Variants in TGS1 observed in about 807,000 individuals in gnomAD.
TGS1 encodes trimethylguanosine synthase 1.
TGS1 carries 69 observed loss-of-function variants against 92.2 expected under a neutral mutation model. The ratio of observed to expected loss-of-function variants is 0.75; its 90% CI spans 0.62 to 0.91. The LOEUF (loss-of-function observed/expected upper bound fraction) is 0.91. Among genes scored for constraint, TGS1 ranks in the 40% least tolerant of loss-of-function variants. TGS1 has a pLI of 0.00. For missense variants in TGS1, 1,062 were observed against 1,001.2 expected (o/e 1.06, Z -0.82); for synonymous variants, 345 against 338.1 (o/e 1.02, Z -0.22).
In TGS1 at chr8:55,822,153, T is replaced by G. The variant is rs576142008; in HGVS notation, c.2440-2428T>G. Among the ~76,000 whole-genome samples, 7 of 151,508 alleles carry G rather than the reference T, an allele frequency of 4.6e-5. No homozygotes were observed. In the East Asian group the frequency reaches 1.4e-3, roughly 30 times the overall value. ...GGTGCGATCTCAGCTCACTGCAAGC[T>G]CCGCCTCCTGAATTCACGCCATTCT... is the stretch of plus-strand genomic sequence containing the variant. On this transcript the variant is annotated intron_variant, in intron 12 of 12. Transcript: ENST00000260129.
chr8:55,781,605 C>T (rs1464879900), intron 1 of TGS1, among the ~76,000 whole-genome samples: 4 of 152,190 alleles, frequency 2.6e-5, no homozygotes, highest in African/African-American at 9.7e-5. Flanking sequence ...GCTCCTGCTT[C>T]CCACCCCCAG....
chr8:55,776,612 CA>C (rs1488503279), intron 1 of TGS1, among the ~76,000 whole-genome samples: 1 of 152,150 alleles, frequency 6.6e-6, no homozygotes, highest in African/African-American at 2.4e-5. Context: ...CCGATTAGGT[CA>C]GGGGTGGATC....
intron 1 of TGS1, among the ~76,000 whole-genome samples, chr8:55,774,197 A>G (rs781633059): frequency 3.4e-4 from 52 of 152,234 alleles, no homozygotes; most frequent in Admixed American, 6.5e-4. Context: ...TTTTTGTGAT[A>G]TCTTTATTTT....
chr8:55,813,517 CACTT>C (rs1231211170), intron 12 of TGS1, among the ~76,000 whole-genome samples: 5 of 152,182 alleles, frequency 3.3e-5, no homozygotes, highest in African/African-American at 1.2e-4. Flanking sequence ...TTTCTACAAA[CACTT>C]ACTACATATC....
intron 5 of TGS1, among the ~76,000 whole-genome samples, chr8:55,791,703 C>T (rs1380815966): frequency 2.0e-5 from 3 of 152,190 alleles, no homozygotes; most frequent in African/African-American, 7.2e-5. Flanking sequence ...CATGAGGCCA[C>T]CTCATTCTGT....
intron 9 of TGS1, among the ~76,000 whole-genome samples, chr8:55,803,703 T>A (rs990633283): frequency 2.0e-5 from 3 of 147,926 alleles, no homozygotes; most frequent in Non-Finnish European, 4.5e-5. Context: ...TTTTTTTTTT[T>A]ATTTTTTTTA....
intron 11 of TGS1, 124 bp from the exon 12 acceptor site, chr8:55,812,903 AGGTTCCATTAGAG>A: frequency 1.6e-6 from 1 of 643,740 alleles, no homozygotes; most frequent in South Asian, 1.8e-5. Context: ...ATTCTCTTTT[AGGTTCCATTAGAG>A]GGTTTAAGTT....
chr8:55,807,001 T>C (rs1803184423), intron 10 of TGS1, among the ~76,000 whole-genome samples: 1 of 151,794 alleles, frequency 6.6e-6, no homozygotes, highest in Admixed American at 6.6e-5. Context: ...GGATCTCGGC[T>C]CACTGCAAAC....
chr8:55,785,706 A>G lies in TGS1; in HGVS notation c.167-13A>G. On this transcript the variant is annotated splice_polypyrimidine_tract_variant and intron_variant, in intron 2 of 12. Coordinates refer to ENST00000260129, the MANE Select transcript of TGS1 (RefSeq NM_024831.8). ...GTTTTCCTTAAAACTAAGCTAATAA[A>G]TGGTGTCTATAGGAGACCAGGCGAC... 1 of 1,517,968 alleles carries G rather than the reference A, an allele frequency of 6.6e-7. No individual in the cohort carries two copies. The highest frequency in any genetic ancestry group is 8.8e-7 in the Non-Finnish European group (1 of 1,132,516). 94.0% of individuals were successfully genotyped at this position (1,517,968 alleles called of 1,614,324 possible).
intron 9 of TGS1, among the ~76,000 whole-genome samples, chr8:55,804,325 C>G (rs187618503): frequency 4.6e-5 from 7 of 152,278 alleles, no homozygotes; most frequent in Non-Finnish European, 7.4e-5. Flanking sequence ...CCTGTAGTCC[C>G]AACTACTCAG....
intron 6 of TGS1, among the ~76,000 whole-genome samples, chr8:55,795,461 A>G (rs565453059): frequency 3.3e-4 from 50 of 152,362 alleles, no homozygotes; most frequent in African/African-American, 1.1e-3. Flanking sequence ...GAGGCTTCAT[A>G]GCAGATACAT....
chr8:55,811,934 A>G (rs1271080249), intron 11 of TGS1, among the ~76,000 whole-genome samples: 1 of 152,188 alleles, frequency 6.6e-6, no homozygotes, highest in Non-Finnish European at 1.5e-5. Context: ...ATTCAATTTT[A>G]CCATTATAAA....
At chr8:55,773,954 G>T (rs1811300469) in intron 1 of TGS1, among the ~76,000 whole-genome samples, 1 of 152,192 alleles carries the variant, frequency 6.6e-6, no homozygotes, top group Non-Finnish European at 1.5e-5. Flanking sequence ...AATGTCGTAG[G>T]TGCTATATGT....
rs1317063263 is a variant in TGS1, at chr8:55,824,801, A to G, written c.*98A>G. ...CTTTATTCACTGATATTTTCTACCC[A>G]TGGTCTTATATCACCGTATGAAATG... On this transcript the variant is annotated 3_prime_UTR_variant, in exon 13 of 13. Transcript: ENST00000260129. 2.2e-6 allele frequency: 3 copies of G among 1,388,834 alleles called. No individual in the cohort carries two copies. Among genetic ancestry groups the G allele is most frequent in the African/African-American group, 1.4e-5 (1 of 69,222 alleles). 86.0% of individuals were successfully genotyped at this position (1,388,834 alleles called of 1,614,324 possible). A position where few individuals can be genotyped will look rare whatever the true frequency, so the allele number is the denominator to read the frequency against.
In TGS1 at chr8:55,814,029, C is replaced by A. The variant is rs1406065988; in HGVS notation, c.2439+911C>A. On this transcript the variant is annotated intron_variant, in intron 12 of 12. Transcript: ENST00000260129. ...ATGGCCCAAACACGGCTCACTGCAG[C>A]CTCAACTAACTGGGCTCAAGCAGTC... Among the ~76,000 whole-genome samples the A allele has an allele frequency of 2.6e-5, 4 of 152,140 alleles. No individual in the cohort carries two copies. The East Asian group carries it at 7.7e-4, about 29-fold the overall frequency.
chr8:55,786,336 T>C lies in TGS1; in HGVS notation c.438T>C (p.Tyr146=), dbSNP rs773315052. The part of the protein sequence containing the change: ...EIVQESWRKE[Y]EEDDILASDD... ...TGCAAGAATCTTGGAGAAAAGAATA[T>C]GAAGAAGACGACATTTTGGCTTCAG... The change falls in exon 4 of 13, where the codon TAT becomes TAC. Residue 146 remains tyrosine (Y), a synonymous_variant. Coordinates refer to ENST00000260129, the MANE Select transcript of TGS1 (RefSeq NM_024831.8). The C allele has an allele frequency of 1.9e-6, 3 of 1,610,236 alleles. No individual in the cohort carries two copies. The South Asian group carries it at 3.3e-5, about 18-fold the overall frequency.
Position 55,824,653 on chromosome 8 carries a change from A to G in TGS1, c.2512A>G (p.Ile838Val). ...QNFLNNKLKT[I>V]TAYFGDLIRR... ...CTTCCTTAACAACAAATTGAAGACA[A>G]TCACTGCATATTTTGGTGACCTAAT... is the stretch of plus-strand genomic sequence containing the variant. The change falls in exon 13 of 13, where the codon ATC (isoleucine) becomes GTC (valine). Residue 838 changes from isoleucine (I) to valine (V), a missense_variant. Physicochemically the swap from Ile to Val is conservative, Grantham distance 29. Transcript: ENST00000260129. 1.9e-6 allele frequency: 3 copies of G among 1,614,218 alleles called. No homozygotes were observed. The highest frequency in any genetic ancestry group is 2.2e-5 in the South Asian group (2 of 91,084).
chr8:55,800,696 C>T (rs531784847), intron 8 of TGS1, among the ~76,000 whole-genome samples: 1 of 152,354 alleles, frequency 6.6e-6, no homozygotes, highest in East Asian at 1.9e-4. Context: ...ATTATACCCC[C>T]TGTTGACAAA....
At chr8:55,786,162 C>T (rs1037679658) in intron 3 of TGS1, 76 bp from the exon 4 acceptor site, 2 of 896,458 alleles carry the variant, frequency 2.2e-6, no homozygotes, top group Non-Finnish European at 3.3e-6. Flanking sequence ...AATTTAATGT[C>T]AAAATAGACT....
Sources: allele counts gnomAD v4.1 joint callset (sites outside exome capture counted in the v4.1 genomes callset), GRCh38; gene constraint gnomAD v4.1.1; transcripts MANE v1.5; gene names NCBI Gene and HGNC (gene_info 2026-07-23, HGNC 2026-07-21).